Variants in TRABD2B observed in about 807,000 individuals in gnomAD.
TRABD2B encodes the protein metalloprotease TIKI2.
TRABD2B carries 14 observed loss-of-function variants against 40.1 expected under a neutral mutation model. The ratio of observed to expected loss-of-function variants is 0.35; its 90% CI spans 0.23 to 0.55. The LOEUF (loss-of-function observed/expected upper bound fraction) is 0.55. TRABD2B is among the 20% of genes least tolerant of loss of function. The pLI is 0.90. For missense variants in TRABD2B, 541 were observed against 648.6 expected, an observed-to-expected ratio of 0.83 and a Z score of 1.80; for synonymous variants, 263 against 277.0, an observed-to-expected ratio of 0.95 and a Z score of 0.50.
Position 47,767,427 on chromosome 1 carries a change from C to T in TRABD2B, c.1350-1321G>A, listed in dbSNP as rs139256056. Among the ~76,000 whole-genome samples, 79 of 152,264 alleles carry T rather than the reference C, an allele frequency of 5.2e-4. No individual in the cohort carries two copies. The Middle Eastern group carries it at 0.01, about 20-fold the overall frequency. ...TGAGCATGGGGAGGGCACTCCTGGA[C>T]GGTGAAAAAAGAACGTACAGAGCCC... On this transcript the variant is annotated intron_variant, in intron 6 of 6. Transcript: ENST00000606738.
At chr1:47,859,400 G>A (rs1442122186) in intron 2 of TRABD2B, among the ~76,000 whole-genome samples, 1 of 152,158 alleles carries the variant, frequency 6.6e-6, no homozygotes, top group Non-Finnish European at 1.5e-5. Flanking sequence ...CCTGTACTCA[G>A]AATCAGCCCC....
intron 2 of TRABD2B, among the ~76,000 whole-genome samples, chr1:47,927,279 T>G: frequency 6.6e-6 from 1 of 152,098 alleles, no homozygotes; most frequent in South Asian, 2.1e-4. Context: ...TCTGGCTGAG[T>G]CAGTCTTGCA....
intron 2 of TRABD2B, among the ~76,000 whole-genome samples, chr1:47,817,231 C>T (rs1349238790): frequency 6.6e-6 from 1 of 152,022 alleles, no homozygotes; most frequent in Non-Finnish European, 1.5e-5. Flanking sequence ...TGCCCCAGCT[C>T]CTGGATCCAG....
At chr1:47,799,682 G>C (rs1367284442) in intron 3 of TRABD2B, among the ~76,000 whole-genome samples, 1 of 152,254 alleles carries the variant, frequency 6.6e-6, no homozygotes, top group East Asian at 1.9e-4. Context: ...TCTGTCTGCA[G>C]GCTATACTCT....
chr1:47,880,436 G>T (rs910999062), intron 2 of TRABD2B, among the ~76,000 whole-genome samples: 1 of 152,194 alleles, frequency 6.6e-6, no homozygotes, highest in Admixed American at 6.5e-5. Flanking sequence ...TTTGAATCAG[G>T]AAACAATAAT....
chr1:47,911,531 T>C (rs374590336), intron 2 of TRABD2B, among the ~76,000 whole-genome samples: 3 of 152,228 alleles, frequency 2.0e-5, no homozygotes, highest in African/African-American at 7.2e-5. Context: ...CTCAGGCTAA[T>C]GCATCGTCTG....
At chr1:47,783,497 C>T (rs1338916614) in intron 4 of TRABD2B, among the ~76,000 whole-genome samples, 6 of 152,088 alleles carry the variant, frequency 3.9e-5, no homozygotes, top group Non-Finnish European at 7.4e-5. Flanking sequence ...GATTCAGATG[C>T]AGATGTAAGA....
At chr1:47,984,794 T>C (rs994406021) in intron 2 of TRABD2B, among the ~76,000 whole-genome samples, 1 of 151,962 alleles carries the variant, frequency 6.6e-6, no homozygotes, top group Non-Finnish European at 1.5e-5. Context: ...GCCTCTTCTG[T>C]ACTCCCACAA....
At chr1:47,790,471 T>C (rs1313785465) in intron 4 of TRABD2B, among the ~76,000 whole-genome samples, 3 of 152,210 alleles carry the variant, frequency 2.0e-5, no homozygotes, top group Admixed American at 2.0e-4. Context: ...CCACCTGCCC[T>C]GAACTGCAGG....
chr1:47,803,667 T>C (rs550431054), intron 2 of TRABD2B, among the ~76,000 whole-genome samples: 11 of 152,228 alleles, frequency 7.2e-5, no homozygotes, highest in Non-Finnish European at 1.5e-4. Flanking sequence ...GTGAACATTA[T>C]ATTGTATTTG....
intron 4 of TRABD2B, among the ~76,000 whole-genome samples, chr1:47,786,582 T>C (rs777270292): frequency 5.3e-5 from 8 of 152,230 alleles, no homozygotes; most frequent in Non-Finnish European, 1.0e-4. Context: ...CAGGACCCTT[T>C]GAAGCACCGT....
chr1:47,857,124 T>C (rs1417819646), intron 2 of TRABD2B, among the ~76,000 whole-genome samples: 4 of 152,200 alleles, frequency 2.6e-5, no homozygotes, highest in Admixed American at 1.3e-4. Context: ...ACCTTTATGT[T>C]TTGGAGTTGA....
At chr1:47,957,555 T>C (rs186295815) in intron 2 of TRABD2B, among the ~76,000 whole-genome samples, 4 of 152,294 alleles carry the variant, frequency 2.6e-5, no homozygotes, top group Admixed American at 2.6e-4. Flanking sequence ...GCATGAGAAC[T>C]TCATGACGCA....
At chr1:47,922,989 G>A (rs1231654742) in intron 2 of TRABD2B, among the ~76,000 whole-genome samples, 1 of 152,196 alleles carries the variant, frequency 6.6e-6, no homozygotes, top group Non-Finnish European at 1.5e-5. Flanking sequence ...TCTCAAAGAG[G>A]ACCTCCCTTC....
At chr1:47,916,948 T>C (rs1375943598) in intron 2 of TRABD2B, among the ~76,000 whole-genome samples, 2 of 152,262 alleles carry the variant, frequency 1.3e-5, no homozygotes, top group Non-Finnish European at 2.9e-5. Flanking sequence ...GTTTAACGTT[T>C]GCACTTAAAA....
intron 5 of TRABD2B, among the ~76,000 whole-genome samples, chr1:47,777,780 G>A (rs1294451242): frequency 6.6e-6 from 1 of 152,092 alleles, no homozygotes; most frequent in South Asian, 2.1e-4. Context: ...GGGGCTCCCC[G>A]GGACTCAGAG....
chr1:47,892,296 T>C (rs1644458849), intron 2 of TRABD2B, among the ~76,000 whole-genome samples: 1 of 152,204 alleles, frequency 6.6e-6, no homozygotes, highest in Admixed American at 6.5e-5. Context: ...ACTTTTGGCC[T>C]GAACAACTGG....
chr1:47,831,540 T>C (rs887844936), intron 2 of TRABD2B, among the ~76,000 whole-genome samples: 1 of 152,134 alleles, frequency 6.6e-6, no homozygotes, highest in Non-Finnish European at 1.5e-5. Flanking sequence ...GGGCAACTTT[T>C]AGGTGCCAAG....
intron 2 of TRABD2B, among the ~76,000 whole-genome samples, chr1:47,890,974 A>G (rs540250104): frequency 6.6e-6 from 1 of 152,268 alleles, no homozygotes; most frequent in South Asian, 2.1e-4. Flanking sequence ...CACTCGCTGG[A>G]TCCCATTCAT....
Sources: gnomAD v4.1 joint callset for allele counts (sites outside exome capture counted in the v4.1 genomes callset) on GRCh38, gnomAD v4.1.1 for gene constraint, MANE v1.5 for transcripts, NCBI Gene and HGNC (gene_info 2026-07-23, HGNC 2026-07-21) for gene names.